Variants in SLC2A9 observed in about 807,000 individuals in gnomAD.
The protein encoded by SLC2A9 is solute carrier family 2, facilitated glucose transporter member 9.
SLC2A9 carries 39 observed loss-of-function variants against 50.6 expected under a neutral mutation model. That is an observed-to-expected ratio of 0.77 (90% CI 0.60 to 1.01). SLC2A9 has a LOEUF of 1.01. Among genes scored for constraint, SLC2A9 ranks in the 50% least tolerant of loss-of-function variants. The pLI, the probability that SLC2A9 is intolerant of heterozygous loss-of-function variation, is 0.00. For missense variants in SLC2A9, 686 were observed against 677.6 expected (o/e 1.01, Z -0.14); for synonymous variants, 324 against 276.9 (o/e 1.17, Z -1.69).
chr4:9,782,107 C>T (rs777868525), intron 3 of SLC2A9: 1 of 1,545,516 alleles, frequency 6.5e-7, no homozygotes, highest in East Asian at 2.3e-5. Flanking sequence ...AGGGGAACGC[C>T]GTGGGGGGCT....
rs144338226 is a variant in SLC2A9, at chr4:10,012,725, C to T, written c.249+6250G>A. 5.2e-3 allele frequency among the ~76,000 whole-genome samples: 797 copies of T among 152,174 alleles called. 6 individuals carry two copies. The highest frequency in any genetic ancestry group is 0.02 in the Middle Eastern group (6 of 294). On this transcript the variant is annotated intron_variant, in intron 2 of 11. Coordinates refer to ENST00000264784, the MANE Select transcript of SLC2A9 (RefSeq NM_020041.3). ...AGCACTGCAGCCAGCAGGAGCAGCA[C>T]GCACAAAGGCTCTGAGGTTCCAGCG...
At chr4:9,900,636 T>C (rs1265650408) in intron 8 of SLC2A9, among the ~76,000 whole-genome samples, 2 of 152,080 alleles carry the variant, frequency 1.3e-5, no homozygotes, top group African/African-American at 4.8e-5. Context: ...ATTAGTTCAT[T>C]CTCATGCTGC....
chr4:9,790,241 T>G (rs548720463), intron 3 of SLC2A9, among the ~76,000 whole-genome samples: 159 of 152,276 alleles, frequency 1.0e-3, no homozygotes, highest in African/African-American at 3.7e-3. Context: ...AGGTGAAGTA[T>G]TTTGAGGTTC....
At chr4:9,994,564 C>CTTTTTTTTTTTT (rs35574155) in intron 3 of SLC2A9, among the ~76,000 whole-genome samples, 5 of 131,826 alleles carry the variant, frequency 3.8e-5, no homozygotes, top group Non-Finnish European at 3.2e-5. Flanking sequence ...TTTCCTTTTC[C>CTTTTTTTTTTTT]TTTTTTTTTT....
intron 1 of SLC2A9, among the ~76,000 whole-genome samples, chr4:10,039,660 T>C (rs1764217686): frequency 6.6e-6 from 1 of 152,182 alleles, no homozygotes; most frequent in Non-Finnish European, 1.5e-5. Context: ...ACTGTCATCC[T>C]CCTGGTCCAA....
chr4:9,794,328 G>A (rs1407177464), downstream of SLC2A9, among the ~76,000 whole-genome samples: 1 of 152,056 alleles, frequency 6.6e-6, no homozygotes, highest in African/African-American at 2.4e-5. Flanking sequence ...CTAATTTTTT[G>A]TATTTTTAGT....
intron 2 of SLC2A9, 105 bp from the exon 3 acceptor site, chr4:9,997,046 T>A (rs1023895873): frequency 7.6e-7 from 1 of 1,317,854 alleles, no homozygotes; most frequent in South Asian, 1.2e-5. Flanking sequence ...TTTTCATGCA[T>A]AGCACTTTGC....
intron 3 of SLC2A9, among the ~76,000 whole-genome samples, chr4:9,991,595 C>T (rs1757727670): frequency 6.6e-6 from 1 of 152,056 alleles, no homozygotes. Flanking sequence ...TTAAGGCTCA[C>T]CTGTTAAAGC....
At chr4:9,782,579 C>G (rs757493976) in intron 3 of SLC2A9, 6 of 1,613,834 alleles carry the variant, frequency 3.7e-6, no homozygotes, top group Admixed American at 1.7e-5. Flanking sequence ...GCACAGGGAC[C>G]AGGCGGCCTC....
intron 1 of SLC2A9, among the ~76,000 whole-genome samples, chr4:10,037,741 G>C (rs934703845): frequency 6.6e-6 from 1 of 152,156 alleles, no homozygotes; most frequent in Non-Finnish European, 1.5e-5. Context: ...TTGAGGTCAG[G>C]AGTTCAAGAC....
At position 9,887,418 on chromosome 4, in the gene SLC2A9, T is replaced by C. The variant is rs4697905; in HGVS notation, c.1291+149A>G. 0.94 allele frequency: 671,859 copies of C among 711,798 alleles called. 318,096 individuals carry two copies. The highest frequency in any genetic ancestry group is 0.96 in the Non-Finnish European group (422,554 of 439,044). 44.1% of individuals were successfully genotyped at this position (711,798 alleles called of 1,614,324 possible). ...TGCAGACAGTCGGCTACATTTAAAT[T>C]GGGCCAAAAGAAAGGCAGCAGACAC... On this transcript the variant is annotated intron_variant, in intron 10 of 11. Transcript: ENST00000264784.
chr4:10,009,107 C>A (rs1032520154), intron 2 of SLC2A9, among the ~76,000 whole-genome samples: 17 of 152,136 alleles, frequency 1.1e-4, no homozygotes, highest in African/African-American at 4.1e-4. Context: ...CAGCCCTCTT[C>A]CACCAAAGTC....
intron 3 of SLC2A9, among the ~76,000 whole-genome samples, chr4:9,991,008 GC>G (rs1276090654): frequency 3.9e-5 from 6 of 152,178 alleles, no homozygotes; most frequent in African/African-American, 1.4e-4. Context: ...ATTGACATTG[GC>G]TCTGAAGGTG....
chr4:9,879,660 T>C, intron 10 of SLC2A9: 1 of 985,402 alleles, frequency 1.0e-6, no homozygotes, highest in South Asian at 4.7e-5. Flanking sequence ...GGCAGTGGCC[T>C]TACCGCTCCA....
intron 8 of SLC2A9, among the ~76,000 whole-genome samples, chr4:9,901,224 T>C (rs781761484): frequency 5.3e-5 from 8 of 152,074 alleles, no homozygotes; most frequent in Non-Finnish European, 1.2e-4. Context: ...TCTCCTAAGG[T>C]CCTGTAACAT....
intron 3 of SLC2A9, among the ~76,000 whole-genome samples, chr4:9,788,132 G>A (rs751642971): frequency 2.0e-4 from 31 of 152,060 alleles, no homozygotes; most frequent in Non-Finnish European, 3.8e-4. Context: ...TCTACTGTAA[G>A]GAAGAATATT....
chr4:9,983,915 C>A (rs1275815545), intron 4 of SLC2A9, among the ~76,000 whole-genome samples: 1 of 152,172 alleles, frequency 6.6e-6, no homozygotes, highest in Non-Finnish European at 1.5e-5. Context: ...CACCCTTAAC[C>A]ACTTTCCTGC....
At chr4:10,021,547 G>C, upstream of SLC2A9, 2 of 1,500,952 alleles carry the variant, frequency 1.3e-6, no homozygotes, top group South Asian at 2.4e-5. Flanking sequence ...GACAGGAAGT[G>C]TGGCAATTTG....
chr4:10,014,553 C>T (rs1179458165), intron 2 of SLC2A9, among the ~76,000 whole-genome samples: 1 of 152,202 alleles, frequency 6.6e-6, no homozygotes, highest in East Asian at 1.9e-4. Context: ...CCTCTCCACC[C>T]CACTGGACCC....
Sources: allele counts gnomAD v4.1 joint callset (sites outside exome capture counted in the v4.1 genomes callset), GRCh38; gene constraint gnomAD v4.1.1; transcripts MANE v1.5; gene names NCBI Gene and HGNC (gene_info 2026-07-23, HGNC 2026-07-21).